Variants in BMPER observed in about 807,000 individuals in gnomAD.
BMPER encodes BMP binding endothelial regulator.
A neutral mutation model predicts 87.3 loss-of-function variants in BMPER; 45 were observed. That is an observed-to-expected ratio of 0.52 (90% CI 0.41 to 0.66). The LOEUF (loss-of-function observed/expected upper bound fraction) is 0.66. Among genes scored for constraint, BMPER ranks in the 30% least tolerant of loss-of-function variants. BMPER has a pLI of 0.00. For missense variants in BMPER, 784 were observed against 867.5 expected (o/e 0.90, Z 1.21); for synonymous variants, 326 against 316.2 (o/e 1.03, Z -0.33).
At chr7:33,974,024 A>AC (rs575332190) in intron 5 of BMPER, among the ~76,000 whole-genome samples, 100 of 151,878 alleles carry the variant, frequency 6.6e-4, no homozygotes, top group African/African-American at 2.2e-3. Context: ...GGGGCTGAAA[A>AC]CCCGTATGAT....
intron 6 of BMPER, among the ~76,000 whole-genome samples, chr7:34,044,922 A>G (rs1324658390): frequency 2.0e-5 from 3 of 152,168 alleles, no homozygotes; most frequent in Non-Finnish European, 4.4e-5. Context: ...GTGTGCTGGG[A>G]TGGGAACGGA....
chr7:33,922,459 C>T (rs575698933), intron 2 of BMPER, among the ~76,000 whole-genome samples: 23 of 152,292 alleles, frequency 1.5e-4, no homozygotes, highest in South Asian at 1.4e-3. Context: ...TTTGCAGGGA[C>T]GAGCTTGTCC....
Position 34,058,146 on chromosome 7 carries a change from A to G in BMPER, c.1015A>G (p.Ile339Val). 1 of 1,613,972 alleles carries G rather than the reference A, an allele frequency of 6.2e-7. No homozygotes were observed. Among genetic ancestry groups the G allele is most frequent in the African/African-American group, 1.3e-5 (1 of 75,014 alleles). The change falls in exon 10 of 15, where the codon ATC (isoleucine) becomes GTC (valine). Residue 339 changes from isoleucine to valine, a missense_variant. By Grantham distance (29) the Ile-to-Val change is conservative (BLOSUM62 3). Transcript: ENST00000649409. ...GTGTCGCAATAAGCAGTGCATTCCCATCAGTAGCTGCCCACAGGTATGTTT... is the reference window on the plus strand; with the variant it reads ...GTGTCGCAATAAGCAGTGCATTCCCGTCAGTAGCTGCCCACAGGTATGTTT... The part of the protein sequence containing the change: ...TECRNKQCIP[I>V]SSCPQGKILN...
At position 34,153,307 on chromosome 7, in the gene BMPER, G is replaced by A; in HGVS notation, c.*34G>A. 6.2e-7 allele frequency: 1 copy of A among 1,612,460 alleles called. No homozygotes were observed. The highest frequency in any genetic ancestry group is 8.5e-7 in the Non-Finnish European group (1 of 1,179,214). On this transcript the variant is annotated 3_prime_UTR_variant, in exon 15 of 15. Coordinates refer to ENST00000649409, the MANE Select transcript of BMPER (RefSeq NM_001365308.1). ...TCGATCCTTAAGACTCTGAAATCTG[G>A]TGACTTTGACACTGAAGCGGAAGAG...
intron 6 of BMPER, among the ~76,000 whole-genome samples, chr7:34,041,943 T>C (rs1787844169): frequency 6.6e-6 from 1 of 152,152 alleles, no homozygotes; most frequent in Non-Finnish European, 1.5e-5. Flanking sequence ...GTTTGGGAGA[T>C]GAGTGCCACA....
chr7:33,970,658 A>G (rs1785521535), intron 5 of BMPER, among the ~76,000 whole-genome samples: 1 of 151,738 alleles, frequency 6.6e-6, no homozygotes, highest in Non-Finnish European at 1.5e-5. Flanking sequence ...CCTGCTTTCC[A>G]CTCCACAGGG....
intron 13 of BMPER, among the ~76,000 whole-genome samples, chr7:34,111,903 G>A (rs1312772004): frequency 6.6e-6 from 1 of 151,906 alleles, no homozygotes; most frequent in African/African-American, 2.4e-5. Flanking sequence ...AGTAGAGACA[G>A]GTTTCTCCAT....
At chr7:34,087,156 C>A (rs1410462456) in intron 13 of BMPER, among the ~76,000 whole-genome samples, 1 of 152,080 alleles carries the variant, frequency 6.6e-6, no homozygotes, top group Non-Finnish European at 1.5e-5. Flanking sequence ...ATCACAAATC[C>A]CCGAACATGG....
chr7:33,919,001 G>A (rs1389108680), intron 2 of BMPER, among the ~76,000 whole-genome samples: 3 of 152,172 alleles, frequency 2.0e-5, no homozygotes, highest in Non-Finnish European at 2.9e-5. Context: ...GCTGGGATGT[G>A]CTGGAAATGC....
intron 6 of BMPER, among the ~76,000 whole-genome samples, chr7:34,046,083 T>G (rs1184263424): frequency 2.0e-5 from 3 of 151,742 alleles, no homozygotes; most frequent in Non-Finnish European, 2.9e-5. Context: ...TGAGAGGAGG[T>G]GATGCTGGAA....
chr7:34,048,018 G>A (rs975599601), intron 7 of BMPER, among the ~76,000 whole-genome samples: 6 of 151,706 alleles, frequency 4.0e-5, no homozygotes, highest in East Asian at 2.0e-4. Context: ...AAAGGTCTTA[G>A]TTGTTTTGCC....
chr7:33,965,892 C>T (rs948659166), intron 3 of BMPER, among the ~76,000 whole-genome samples: 71 of 152,104 alleles, frequency 4.7e-4, no homozygotes, highest in African/African-American at 1.5e-3. Flanking sequence ...GTTTCAGATT[C>T]GCTTAGTCTA....
intron 13 of BMPER, among the ~76,000 whole-genome samples, chr7:34,106,820 G>A (rs545564607): frequency 6.6e-5 from 10 of 152,306 alleles, no homozygotes; most frequent in Admixed American, 3.3e-4. Flanking sequence ...CAGTCAGGCC[G>A]ACAGGCTTTG....
intron 3 of BMPER, among the ~76,000 whole-genome samples, chr7:33,960,246 A>T (rs1292889434): frequency 3.3e-5 from 5 of 152,248 alleles, no homozygotes; most frequent in African/African-American, 1.2e-4. Context: ...TCCAGGATTC[A>T]TGGTAGGTAC....
At chr7:34,028,604 T>G (rs1204290095) in intron 6 of BMPER, among the ~76,000 whole-genome samples, 1 of 102,270 alleles carries the variant, frequency 9.8e-6, no homozygotes, top group African/African-American at 4.4e-5. Flanking sequence ...TTTTTCTGTT[T>G]TTTTTTTTTT....
intron 6 of BMPER, among the ~76,000 whole-genome samples, chr7:34,006,043 G>A (rs1786723844): frequency 1.3e-5 from 2 of 151,706 alleles, no homozygotes; most frequent in African/African-American, 2.4e-5. Flanking sequence ...TTTGTAAAGG[G>A]GTATTCCCCT....
At chr7:34,091,508 G>T (rs745859821) in intron 13 of BMPER, among the ~76,000 whole-genome samples, 10 of 152,174 alleles carry the variant, frequency 6.6e-5, no homozygotes, top group Non-Finnish European at 1.3e-4. Flanking sequence ...AAGGTATGCT[G>T]ACACCAGGTG....
At position 34,055,233 on chromosome 7, in the gene BMPER, G is replaced by T. The variant is rs765544595; in HGVS notation, c.857G>T (p.Cys286Phe). ...TGTGACCAAGGCCAGGAGGGCTGTTGTGAAGAGTGCCTCCTACGAGTGCCC... is the reference window on the plus strand; with the variant it reads ...TGTGACCAAGGCCAGGAGGGCTGTTTTGAAGAGTGCCTCCTACGAGTGCCC... ...GGCDQGQEGC[C>F]EECLLRVPPE... The change falls in exon 9 of 15, where the codon TGT becomes TTT. Residue 286 changes from cysteine to phenylalanine, a missense_variant. Coordinates refer to ENST00000649409, the MANE Select transcript of BMPER (RefSeq NM_001365308.1). 2.2e-5 allele frequency: 36 copies of T among 1,614,040 alleles called. No individual in the cohort carries two copies. The highest frequency in any genetic ancestry group is 5.1e-6 in the Non-Finnish European group (6 of 1,180,028).
intron 13 of BMPER, among the ~76,000 whole-genome samples, chr7:34,104,202 T>TC (rs1585838544): frequency 6.6e-6 from 1 of 152,324 alleles, no homozygotes; most frequent in Non-Finnish European, 1.5e-5. Flanking sequence ...TGATGAGTCG[T>TC]CCCCCCTTTC....
Sources: allele counts gnomAD v4.1 joint callset (sites outside exome capture counted in the v4.1 genomes callset), GRCh38; gene constraint gnomAD v4.1.1; transcripts MANE v1.5; gene names NCBI Gene and HGNC (gene_info 2026-07-23, HGNC 2026-07-21).